The following BCAR3 variants were observed in gnomAD, a reference collection of about 807,000 sequenced individuals.
The protein encoded by BCAR3 is breast cancer anti-estrogen resistance protein 3.
In BCAR3, 37 loss-of-function variants were observed where a neutral mutation model predicts 80.1. That is an observed-to-expected ratio of 0.46 (90% CI 0.36 to 0.61). The LOEUF is 0.61. Ranked by LOEUF, BCAR3 falls within the 20% of genes least tolerant of loss-of-function variation. The pLI is 0.00. For synonymous variants in BCAR3, 389 were observed against 418.9 expected (o/e 0.93, Z 0.87); for missense variants, 978 against 1,068.2 (o/e 0.92, Z 1.18).
chr1:93,654,345 A>G (rs2101923298), intron 2 of BCAR3, among the ~76,000 whole-genome samples: 1 of 152,260 alleles, frequency 6.6e-6, no homozygotes, highest in South Asian at 2.1e-4. Context: ...GAGAAGGCCT[A>G]TGGCACAGAA....
chr1:93,572,345 A>G (rs1204320492), intron 8 of BCAR3, among the ~76,000 whole-genome samples: 1 of 152,236 alleles, frequency 6.6e-6, no homozygotes, highest in African/African-American at 2.4e-5. Flanking sequence ...GAACAAAGGC[A>G]GGAAAGAGGA....
At chr1:93,600,209 C>G (rs1674577793) in intron 3 of BCAR3, among the ~76,000 whole-genome samples, 1 of 152,248 alleles carries the variant, frequency 6.6e-6, no homozygotes, top group Non-Finnish European at 1.5e-5. Flanking sequence ...CCAGTCCTGC[C>G]CTGTTCCTCC....
intron 3 of BCAR3, among the ~76,000 whole-genome samples, chr1:93,639,258 C>T (rs1675903062): frequency 6.6e-6 from 1 of 152,172 alleles, no homozygotes; most frequent in Non-Finnish European, 1.5e-5. Flanking sequence ...CACATACAAA[C>T]TGCCAGAGCT....
chr1:93,653,307 C>T (rs1041537594), intron 2 of BCAR3, among the ~76,000 whole-genome samples: 14 of 152,194 alleles, frequency 9.2e-5, no homozygotes, highest in African/African-American at 2.4e-5. Flanking sequence ...GAAAAGCTAG[C>T]GCCAACTACT....
At chr1:93,575,615 C>G (rs151232391) in intron 8 of BCAR3, among the ~76,000 whole-genome samples, 116 of 152,318 alleles carry the variant, frequency 7.6e-4, no homozygotes, top group African/African-American at 2.5e-3. Context: ...CTCAAGCAAT[C>G]TTAACCCCCA....
intron 2 of BCAR3, among the ~76,000 whole-genome samples, chr1:93,826,274 C>T (rs1654370585): frequency 6.6e-6 from 1 of 152,136 alleles, no homozygotes; most frequent in Admixed American, 6.5e-5. Context: ...AGGCCCACCA[C>T]CTCCTGTCTT....
intron 2 of BCAR3, among the ~76,000 whole-genome samples, chr1:93,660,604 T>C (rs1288289096): frequency 3.3e-5 from 5 of 152,240 alleles, no homozygotes; most frequent in Non-Finnish European, 7.3e-5. Flanking sequence ...TTTACTGATG[T>C]TGGGAATCAT....
At chr1:93,577,177 C>T (rs565375661) in intron 7 of BCAR3, among the ~76,000 whole-genome samples, 3 of 152,094 alleles carry the variant, frequency 2.0e-5, no homozygotes, top group South Asian at 2.1e-4. Context: ...AATTAAACGG[C>T]GGCTAATGAC....
intron 2 of BCAR3, among the ~76,000 whole-genome samples, chr1:93,766,942 G>A: frequency 6.6e-6 from 1 of 152,162 alleles, no homozygotes; most frequent in South Asian, 2.1e-4. Flanking sequence ...GTCAGAAACA[G>A]AAAAAGTTTA....
intron 4 of BCAR3, among the ~76,000 whole-genome samples, chr1:93,591,863 C>T (rs1023357085): frequency 8.5e-5 from 13 of 152,300 alleles, no homozygotes; most frequent in East Asian, 3.9e-4. Context: ...TCTCTCCTCC[C>T]GAAGCTAAGC....
At chr1:93,595,160 A>G (rs959594862) in intron 3 of BCAR3, among the ~76,000 whole-genome samples, 4 of 152,242 alleles carry the variant, frequency 2.6e-5, no homozygotes, top group Non-Finnish European at 5.9e-5. Flanking sequence ...GTACCTAGAG[A>G]GAGAGAAATG....
At chr1:93,684,512 T>A (rs1420947702), upstream of BCAR3, among the ~76,000 whole-genome samples, 2 of 152,224 alleles carry the variant, frequency 1.3e-5, no homozygotes, top group Non-Finnish European at 2.9e-5. Flanking sequence ...TCATTAATTA[T>A]CACTAGAATT....
At chr1:93,831,164 T>G (rs61782413) in intron 2 of BCAR3, among the ~76,000 whole-genome samples, 8,379 of 152,240 alleles carry the variant, frequency 0.055, 309 homozygotes, top group South Asian at 0.093. Flanking sequence ...GATGCCTACC[T>G]TGGTCATTCA....
intron 2 of BCAR3, among the ~76,000 whole-genome samples, chr1:93,714,048 T>C (rs1037497775): frequency 6.6e-6 from 1 of 152,166 alleles, no homozygotes; most frequent in African/African-American, 2.4e-5. Flanking sequence ...AGTGGTGCGA[T>C]CTCAGCTCAC....
At chr1:93,845,518 T>C (rs1213196048) in intron 2 of BCAR3, 4 of 96,136 alleles carry the variant, frequency 4.2e-5, no homozygotes, top group Non-Finnish European at 2.1e-5. Context: ...TTGTTTACAT[T>C]AGAGTATAAT....
chr1:93,829,339 AACCTGGTGACAAGGAAAAGAGGGTGAGAG>A (rs920637061), intron 2 of BCAR3, among the ~76,000 whole-genome samples: 1 of 152,032 alleles, frequency 6.6e-6, no homozygotes, highest in African/African-American at 2.4e-5. Context: ...GACACCCATA[AACCTGGTGACAAGGAAAAGAGGGTGAGAG>A]ACCTGGTGAC....
At chr1:93,692,789 A>G (rs1361177382) in intron 3 of BCAR3, among the ~76,000 whole-genome samples, 4 of 152,238 alleles carry the variant, frequency 2.6e-5, no homozygotes, top group Non-Finnish European at 4.4e-5. Context: ...GGAATGGCAC[A>G]GTGAATCTTA....
intron 2 of BCAR3, among the ~76,000 whole-genome samples, chr1:93,769,264 G>A (rs572123435): frequency 3.3e-5 from 5 of 152,112 alleles, no homozygotes; most frequent in Admixed American, 1.3e-4. Context: ...AAATACGCTC[G>A]TGGTATTGCA....
intron 2 of BCAR3, among the ~76,000 whole-genome samples, chr1:93,790,301 GAAT>G (rs1653097442): frequency 1.3e-5 from 2 of 152,004 alleles, no homozygotes; most frequent in Admixed American, 1.3e-4. Flanking sequence ...GTGCTTAATA[GAAT>G]AATCATCCCT....
Sources: gnomAD v4.1 joint callset for allele counts (sites outside exome capture counted in the v4.1 genomes callset) on GRCh38, gnomAD v4.1.1 for gene constraint, MANE v1.5 for transcripts, NCBI Gene and HGNC (gene_info 2026-07-23, HGNC 2026-07-21) for gene names.